PREX2: variants seen among roughly 807,000 people sequenced by gnomAD.
PREX2 encodes phosphatidylinositol-3,4,5-trisphosphate dependent Rac exchange factor 2.
A neutral mutation model predicts 203.2 loss-of-function variants in PREX2; 107 were observed. The ratio of observed to expected loss-of-function variants is 0.53; its 90% CI spans 0.45 to 0.62. PREX2 has a LOEUF of 0.62. Ranked by LOEUF, PREX2 falls within the 20% of genes least tolerant of loss-of-function variation. The pLI, the probability that PREX2 is intolerant of heterozygous loss-of-function variation, is 0.00. For synonymous variants in PREX2, 672 were observed against 663.6 expected (o/e 1.01, Z -0.19); for missense variants, 1,777 against 1,955.9 (o/e 0.91, Z 1.72).
At chr8:67,962,268 C>T (rs944228313) in intron 1 of PREX2, among the ~76,000 whole-genome samples, 2 of 152,114 alleles carry the variant, frequency 1.3e-5, no homozygotes, top group African/African-American at 4.8e-5. Context: ...CTCAGCTTGG[C>T]CTTGCTTTCA....
At chr8:68,189,648 C>T (rs945823346) in intron 35 of PREX2, among the ~76,000 whole-genome samples, 2 of 152,140 alleles carry the variant, frequency 1.3e-5, no homozygotes, top group Non-Finnish European at 2.9e-5. Flanking sequence ...TTTCATGGCA[C>T]TTGATGGATG....
At chr8:68,045,863 T>C (rs921472498) in intron 8 of PREX2, among the ~76,000 whole-genome samples, 16 of 152,102 alleles carry the variant, frequency 1.1e-4, no homozygotes, top group African/African-American at 3.6e-4. Context: ...CATTATTTTT[T>C]ACAAGGTAGC....
intron 8 of PREX2, 44 bp downstream of exon 8, chr8:68,044,634 G>A: frequency 7.5e-7 from 1 of 1,328,900 alleles, no homozygotes; most frequent in South Asian, 1.2e-5. Context: ...ATAGTAAATA[G>A]AAAACTCCTT....
intron 38 of PREX2, among the ~76,000 whole-genome samples, chr8:68,218,090 G>A (rs887521580): frequency 6.6e-6 from 1 of 152,192 alleles, no homozygotes; most frequent in Non-Finnish European, 1.5e-5. Context: ...ACAGCAGCAA[G>A]GAAGAAGAGG....
At chr8:68,197,453 A>C (rs1158750027) in intron 37 of PREX2, among the ~76,000 whole-genome samples, 1 of 151,936 alleles carries the variant, frequency 6.6e-6, no homozygotes, top group Admixed American at 6.6e-5. Flanking sequence ...CATGATTGTA[A>C]GTTTTCTAAG....
intron 1 of PREX2, chr8:67,952,849 C>T (rs957195316): frequency 8.4e-6 from 4 of 474,772 alleles, no homozygotes; most frequent in South Asian, 2.3e-5. Flanking sequence ...TTCTTTTACC[C>T]GCCTCCCCAG....
Position 68,236,721 on chromosome 8 carries a change from T to C in PREX2, c.*5343T>C, listed in dbSNP as rs1454003387. ...GTACTCATTTACATAGTATTCATTA[T>C]TTTAAATGACAAAATATCAAATTGG... On this transcript the variant is annotated 3_prime_UTR_variant, in exon 40 of 40. Transcript: ENST00000288368. 1.3e-5 allele frequency: 2 copies of C among 152,178 alleles called. No homozygotes were observed. Among genetic ancestry groups the C allele is most frequent in the Non-Finnish European group, 1.5e-5 (1 of 68,006 alleles). The allele number at this position is 152,178 out of a possible 1,614,324, so 9.4% of individuals were successfully genotyped here. A position where few individuals can be genotyped will look rare whatever the true frequency, so the allele number is the denominator to read the frequency against.
At chr8:68,152,310 A>AAAAAAAAG (rs1252862943) in intron 34 of PREX2, among the ~76,000 whole-genome samples, 8 of 150,974 alleles carry the variant, frequency 5.3e-5, no homozygotes, top group Non-Finnish European at 1.0e-4. Context: ...AAAAAAAAAA[A>AAAAAAAAG]GATAAATCTT....
intron 25 of PREX2, among the ~76,000 whole-genome samples, chr8:68,113,966 A>T (rs1407952642): frequency 6.6e-6 from 1 of 152,164 alleles, no homozygotes; most frequent in African/African-American, 2.4e-5. Context: ...GGTTCAAGCG[A>T]TTCTCCTGCC....
chr8:67,981,599 C>T (rs12056682), intron 1 of PREX2, among the ~76,000 whole-genome samples: 33,662 of 152,128 alleles, frequency 0.22, 4,805 homozygotes, highest in East Asian at 0.54. Context: ...GTGACAAGTT[C>T]GCTGTGTAAC....
At chr8:68,007,306 C>T (rs890776104) in intron 1 of PREX2, among the ~76,000 whole-genome samples, 4 of 152,106 alleles carry the variant, frequency 2.6e-5, no homozygotes, top group African/African-American at 7.2e-5. Context: ...AGATATTTGA[C>T]CACTTACACA....
At position 68,079,632 on chromosome 8, in the gene PREX2, C is replaced by T. The variant is rs188518732; in HGVS notation, c.1643-811C>T. The stretch of plus-strand genomic sequence containing the variant: ...GAATCAACCTTCAAGGTATTAAGGA[C>T]AGAGAAATAAGAAATAGATAACTTT... On this transcript the variant is annotated intron_variant, in intron 15 of 39. Transcript: ENST00000288368. Among the ~76,000 whole-genome samples the T allele has an allele frequency of 7.5e-3, 1,104 of 147,282 alleles. 10 individuals carry two copies. The highest frequency in any genetic ancestry group is 0.056 in the South Asian group (253 of 4,554).
At chr8:68,197,433 T>C (rs1219929204) in intron 37 of PREX2, among the ~76,000 whole-genome samples, 1 of 152,126 alleles carries the variant, frequency 6.6e-6, no homozygotes, top group East Asian at 1.9e-4. Flanking sequence ...GCTTCTCTTT[T>C]GCCTCCTGCC....
chr8:68,217,854 G>A (rs1812874127), intron 38 of PREX2, 136 bp downstream of exon 38: 2 of 672,068 alleles, frequency 3.0e-6, no homozygotes, highest in East Asian at 2.7e-5. Flanking sequence ...ACTCATGAAT[G>A]AGAAATGCTC....
chr8:68,100,043 T>C (rs746047774), intron 23 of PREX2, 200 bp downstream of exon 23: 3 of 703,896 alleles, frequency 4.3e-6, no homozygotes, highest in African/African-American at 1.7e-5. Context: ...TTGTAAGTTA[T>C]GTTACTGTCC....
Position 68,108,329 on chromosome 8 carries a change from A to G in PREX2, c.2936A>G (p.Gln979Arg), listed in dbSNP as rs760493597. The G allele has an allele frequency of 1.2e-6, 2 of 1,611,318 alleles. No homozygotes were observed. Among genetic ancestry groups the G allele is most frequent in the East Asian group, 4.5e-5 (2 of 44,826 alleles). ...GATAAAGAAAACAAATCTTCGGAGCAAGGTATGCTAGCTTTTGCAACTTTA... is the reference window on the plus strand; with the variant it reads ...GATAAAGAAAACAAATCTTCGGAGCGAGGTATGCTAGCTTTTGCAACTTTA... ...SHDKENKSSE[Q>R]GKLSPMVYIQ... The change falls in exon 24 of 40, where the codon CAA becomes CGA. Residue 979 changes from glutamine to arginine, a missense_variant and splice_region_variant. Physicochemically the swap from Gln to Arg is conservative, Grantham distance 43. Coordinates refer to ENST00000288368, the MANE Select transcript of PREX2 (RefSeq NM_024870.4).
At position 68,236,947 on chromosome 8, in the gene PREX2, G is replaced by T. The variant is rs1813276916; in HGVS notation, c.*5569G>T. On this transcript the variant is annotated 3_prime_UTR_variant, in exon 40 of 40. Coordinates refer to ENST00000288368, the MANE Select transcript of PREX2 (RefSeq NM_024870.4). ...CAAAGTGCATTATGTATTTTATATTGTTTATTTTTGTCTGCATGAAAGATT... is the reference window on the plus strand; with the variant it reads ...CAAAGTGCATTATGTATTTTATATTTTTTATTTTTGTCTGCATGAAAGATT... 2.0e-5 allele frequency: 3 copies of T among 151,746 alleles called. No individual in the cohort carries two copies. The South Asian group carries it at 6.2e-4, about 31-fold the overall frequency. The allele number at this position is 151,746 out of a possible 1,614,324, so 9.4% of individuals were successfully genotyped here. A position where few individuals can be genotyped will look rare whatever the true frequency, so the allele number is the denominator to read the frequency against.
At chr8:68,033,082 GT>G (rs1283623926) in intron 6 of PREX2, among the ~76,000 whole-genome samples, 1 of 152,058 alleles carries the variant, frequency 6.6e-6, no homozygotes, top group South Asian at 2.1e-4. Flanking sequence ...TTGCTTCACT[GT>G]TAATCAAATG....
intron 34 of PREX2, among the ~76,000 whole-genome samples, chr8:68,146,915 ATAAAT>A (rs1377421530): frequency 6.6e-6 from 1 of 152,204 alleles, no homozygotes; most frequent in African/African-American, 2.4e-5. Context: ...CTGCAGTAGA[ATAAAT>A]TAAGGTTAGC....
Sources: allele counts gnomAD v4.1 joint callset (sites outside exome capture counted in the v4.1 genomes callset), GRCh38; gene constraint gnomAD v4.1.1; transcripts MANE v1.5; gene names NCBI Gene and HGNC (gene_info 2026-07-23, HGNC 2026-07-21).